Variants in ARHGAP42 observed in about 807,000 individuals in gnomAD.
ARHGAP42 encodes Rho GTPase activating protein 42, also known as rho GTPase-activating protein 42.
In ARHGAP42, 63 loss-of-function variants were observed where a neutral mutation model predicts 125.0. The observed-to-expected ratio is 0.50, with a 90% CI of 0.41 to 0.62. The LOEUF (loss-of-function observed/expected upper bound fraction) is 0.62, where lower values mean the gene tolerates loss of function less well. Among genes scored for constraint, ARHGAP42 ranks in the 20% least tolerant of loss-of-function variants. The pLI is 0.00. For missense variants in ARHGAP42, 766 were observed against 1,024.2 expected (o/e 0.75, Z 3.44); for synonymous variants, 339 against 351.0 (o/e 0.97, Z 0.38).
chr11:100,819,548 A>T (rs1754572882), intron 3 of ARHGAP42, among the ~76,000 whole-genome samples: 1 of 152,158 alleles, frequency 6.6e-6, no homozygotes, highest in African/African-American at 2.4e-5. Flanking sequence ...CATAGTGATT[A>T]AGAGCACAGA....
At chr11:100,842,311 A>G (rs1864962456) in intron 3 of ARHGAP42, among the ~76,000 whole-genome samples, 1 of 152,190 alleles carries the variant, frequency 6.6e-6, no homozygotes, top group African/African-American at 2.4e-5. Context: ...GACCTACAAT[A>G]AAGTTGTCAT....
intron 4 of ARHGAP42, among the ~76,000 whole-genome samples, chr11:100,870,671 CACAA>C (rs1231277422): frequency 6.6e-6 from 1 of 152,118 alleles, no homozygotes; most frequent in Non-Finnish European, 1.5e-5. Context: ...CCTTGGAAAA[CACAA>C]ACAAGTACTC....
At chr11:100,804,576 G>A (rs902153788) in intron 3 of ARHGAP42, among the ~76,000 whole-genome samples, 16 of 145,260 alleles carry the variant, frequency 1.1e-4, no homozygotes, top group Non-Finnish European at 1.8e-4. Flanking sequence ...TCAGAGTCTC[G>A]CACTGCCACC....
Position 100,687,492 on chromosome 11 carries a change from A to C in ARHGAP42, c.-187A>C. On this transcript the variant is annotated 5_prime_UTR_variant, in exon 1 of 24. Coordinates refer to ENST00000298815, the MANE Select transcript of ARHGAP42 (RefSeq NM_152432.4). ...GCCTGCGCTCGCCTAGCCTCGGGGG[A>C]GGAAGACTGAGCCCGGCGCAGGCGG... 3.5e-6 allele frequency: 1 copy of C among 283,730 alleles called. No individual in the cohort carries two copies. The highest frequency in any genetic ancestry group is 5.9e-6 in the Non-Finnish European group (1 of 170,728). The allele number at this position is 283,730 out of a possible 1,614,324, so 17.6% of individuals were successfully genotyped here. A position where few individuals can be genotyped will look rare whatever the true frequency, so the allele number is the denominator to read the frequency against.
intron 3 of ARHGAP42, among the ~76,000 whole-genome samples, chr11:100,822,864 A>G (rs1176294699): frequency 2.0e-5 from 3 of 152,114 alleles, no homozygotes; most frequent in Non-Finnish European, 2.9e-5. Context: ...GAATGAACAT[A>G]TTTATCCATA....
intron 1 of ARHGAP42, among the ~76,000 whole-genome samples, chr11:100,699,504 ATATTTTTTTTTTT>A (rs1172468691): frequency 6.0e-5 from 2 of 33,560 alleles, no homozygotes; most frequent in Non-Finnish European, 1.0e-4. Context: ...ATATATATAT[ATATTTTTTTTTTT>A]TTTTTTTTTT....
chr11:100,910,889 T>C (rs998420087), intron 4 of ARHGAP42, among the ~76,000 whole-genome samples: 3 of 152,030 alleles, frequency 2.0e-5, no homozygotes, highest in African/African-American at 7.2e-5. Flanking sequence ...GGGGCCTGGT[T>C]TGAATAAGAG....
chr11:100,687,305 C>G lies in ARHGAP42; in HGVS notation c.-374C>G, dbSNP rs1861097294. 6.6e-6 allele frequency among the ~76,000 whole-genome samples: 1 copy of G among 152,094 alleles called. No homozygotes were observed. The highest frequency in any genetic ancestry group is 2.4e-5 in the African/African-American group (1 of 41,420). The stretch of plus-strand genomic sequence containing the variant: ...TCTGGCTCACAACGCCGACGACTGT[C>G]AAGAGAGTTGGGGAGTGGAACTGCC... On this transcript the variant is annotated 5_prime_UTR_variant, in exon 1 of 24. Coordinates refer to ENST00000298815, the MANE Select transcript of ARHGAP42 (RefSeq NM_152432.4).
rs145345416 is a variant in ARHGAP42, at chr11:100,823,656, C to T, written c.312+28490C>T. ...TTTTCTTTGGAGTTCCCTGCAGGCC[C>T]TTGAACTAAGCAACAACCAGCAAAA... On this transcript the variant is annotated intron_variant, in intron 3 of 23. Coordinates refer to ENST00000298815, the MANE Select transcript of ARHGAP42 (RefSeq NM_152432.4). Among the ~76,000 whole-genome samples, 20 of 152,256 alleles carry T rather than the reference C, an allele frequency of 1.3e-4. No individual in the cohort carries two copies. The East Asian group carries it at 3.7e-3, about 28-fold the overall frequency.
rs760363509 is a variant in ARHGAP42, at chr11:100,795,060, C to T, written c.251-45C>T. The T allele has an allele frequency of 2.1e-4, 288 of 1,393,038 alleles. 1 individual carries two copies. Among genetic ancestry groups the T allele is most frequent in the Non-Finnish European group, 2.0e-4 (201 of 1,019,754 alleles). 86.3% of individuals were successfully genotyped at this position (1,393,038 alleles called of 1,614,324 possible). ...TTCTTCTTGAGTAATTAGATATTAG[C>T]TATGAAAATATTAATTCTTTGCATT... On this transcript the variant is annotated intron_variant, in intron 2 of 23. Transcript: ENST00000298815.
intron 2 of ARHGAP42, among the ~76,000 whole-genome samples, chr11:100,791,890 A>G (rs1471683832): frequency 6.6e-6 from 1 of 152,246 alleles, no homozygotes; most frequent in Admixed American, 6.5e-5. Context: ...ACAGACCAGA[A>G]AACCATTCAA....
intron 4 of ARHGAP42, among the ~76,000 whole-genome samples, chr11:100,904,949 A>T (rs1470844602): frequency 6.6e-6 from 1 of 152,218 alleles, no homozygotes; most frequent in Non-Finnish European, 1.5e-5. Context: ...GTCAGCACTG[A>T]GCATCAGTAC....
At chr11:100,983,989 A>G (rs1858609276) in intron 22 of ARHGAP42, among the ~76,000 whole-genome samples, 1 of 152,074 alleles carries the variant, frequency 6.6e-6, no homozygotes, top group African/African-American at 2.4e-5. Flanking sequence ...GGTGGTGTGC[A>G]CCTAATAGTC....
intron 17 of ARHGAP42, among the ~76,000 whole-genome samples, chr11:100,967,992 G>T (rs1399715468): frequency 4.6e-5 from 7 of 152,240 alleles, no homozygotes; most frequent in Non-Finnish European, 1.0e-4. Flanking sequence ...AAAGTACTGG[G>T]ATTACAGGCA....
chr11:100,883,051 G>A (rs1190831159), intron 4 of ARHGAP42, among the ~76,000 whole-genome samples: 3 of 151,654 alleles, frequency 2.0e-5, no homozygotes, highest in African/African-American at 7.3e-5. Flanking sequence ...ATCAGCTTTT[G>A]GTTTCATTTA....
chr11:100,925,517 C>T (rs1208188217), intron 6 of ARHGAP42, among the ~76,000 whole-genome samples: 1 of 152,048 alleles, frequency 6.6e-6, no homozygotes, highest in Non-Finnish European at 1.5e-5. Flanking sequence ...GCAGGCAAAT[C>T]ACTTGAGACC....
At chr11:100,824,986 A>C (rs1864481816) in intron 3 of ARHGAP42, among the ~76,000 whole-genome samples, 2 of 152,212 alleles carry the variant, frequency 1.3e-5, no homozygotes, top group Admixed American at 1.3e-4. Flanking sequence ...ATTAATAGAC[A>C]AAGGAGGATG....
At position 100,750,734 on chromosome 11, in the gene ARHGAP42, G is replaced by A. The variant is rs552950083; in HGVS notation, c.155-19609G>A. On this transcript the variant is annotated intron_variant, in intron 1 of 23. Transcript: ENST00000298815. Reference sequence around the variant, plus strand: ...ATGAGTCAGGGCGGAGCAGGTAGTCGGAATGAGTCAGGGTGGAGCAGGTTA... The same window carrying A: ...ATGAGTCAGGGCGGAGCAGGTAGTCAGAATGAGTCAGGGTGGAGCAGGTTA... Among the ~76,000 whole-genome samples, 37 of 146,656 alleles carry A rather than the reference G, an allele frequency of 2.5e-4. No individual in the cohort carries two copies. In the South Asian group the frequency reaches 6.5e-3, roughly 26 times the overall value.
rs192385061 is a variant in ARHGAP42, at chr11:100,985,333, C to G, written c.2457-2180C>G. Reference sequence around the variant, plus strand: ...ATGACTTATTGTTTACTGGAGGAAGCTGTTGCTATTAGAAAATGTGATTTT... The same window carrying G: ...ATGACTTATTGTTTACTGGAGGAAGGTGTTGCTATTAGAAAATGTGATTTT... On this transcript the variant is annotated intron_variant, in intron 22 of 23. Coordinates refer to ENST00000298815, the MANE Select transcript of ARHGAP42 (RefSeq NM_152432.4). 3.0e-4 allele frequency among the ~76,000 whole-genome samples: 45 copies of G among 152,186 alleles called. No individual in the cohort carries two copies. The South Asian group carries it at 7.3e-3, about 25-fold the overall frequency.
Sources: allele counts gnomAD v4.1 joint callset (sites outside exome capture counted in the v4.1 genomes callset), GRCh38; gene constraint gnomAD v4.1.1; transcripts MANE v1.5; gene names NCBI Gene and HGNC (gene_info 2026-07-23, HGNC 2026-07-21).